Variants in RET observed in about 807,000 individuals in gnomAD.
The protein encoded by RET is ret proto-oncogene.
A neutral mutation model predicts 118.3 loss-of-function variants in RET; 19 were observed. The observed-to-expected ratio is 0.16, with a 90% CI of 0.11 to 0.24. RET has a LOEUF of 0.24. Ranked by LOEUF, RET falls within the 10% of genes least tolerant of loss-of-function variation. RET has a pLI of 1.00. For synonymous variants in RET, 597 were observed against 644.1 expected (o/e 0.93, Z 1.11); for missense variants, 1,219 against 1,502.1 (o/e 0.81, Z 3.12).
intron 8 of RET, 60 bp downstream of exon 8, chr10:43,112,284 G>A (rs2132803645): frequency 5.9e-6 from 9 of 1,526,074 alleles, no homozygotes; most frequent in East Asian, 2.5e-5. Context: ...TGGAAACGGG[G>A]TCCTGGGGCC....
At chr10:43,126,848 T>C in intron 19 of RET, 126 bp downstream of exon 19, 1 of 1,483,656 alleles carries the variant, frequency 6.7e-7, no homozygotes, top group Non-Finnish European at 9.0e-7. Flanking sequence ...CTGAACCTTT[T>C]TATTTGTAAA....
chr10:43,111,956 T>C (rs1342657908), intron 7 of RET, 143 bp from the exon 8 acceptor site: 1 of 1,218,696 alleles, frequency 8.2e-7, no homozygotes, highest in East Asian at 2.6e-5. Context: ...TGGCACTGTC[T>C]TTGCTGCCCT....
At position 43,099,156 on chromosome 10, in the gene RET, G is replaced by A. The variant is rs111838250; in HGVS notation, c.74-1303G>A. On this transcript the variant is annotated intron_variant, in intron 1 of 19. Transcript: ENST00000355710. ...AGGCTAGCATCCTGCCTTCTTCAAG[G>A]AAGCTACGCCTCTGTCCACAGCGCC... Among the ~76,000 whole-genome samples, 78 of 152,226 alleles carry A rather than the reference G, an allele frequency of 5.1e-4. 1 individual carries two copies. The highest frequency in any genetic ancestry group is 3.4e-3 in the Middle Eastern group (1 of 294).
chr10:43,120,340 C>A, intron 15 of RET, 137 bp downstream of exon 15: 1 of 1,265,024 alleles, frequency 7.9e-7, no homozygotes, highest in Non-Finnish European at 1.1e-6. Flanking sequence ...CACCCCAAAT[C>A]TTTCTGACCC....
intron 3 of RET, 135 bp downstream of exon 3, chr10:43,102,764 C>T: frequency 9.2e-7 from 1 of 1,086,132 alleles, no homozygotes. Flanking sequence ...AGAAGTACCT[C>T]TTGCATGCCT....
intron 1 of RET, among the ~76,000 whole-genome samples, chr10:43,099,769 C>T (rs1837596539): frequency 6.6e-6 from 1 of 152,224 alleles, no homozygotes; most frequent in African/African-American, 2.4e-5. Flanking sequence ...CAGAATCATG[C>T]CATGTGCGCT....
chr10:43,111,195 G>A lies in RET; in HGVS notation c.1264-12G>A, dbSNP rs370613696. 4 of 1,613,504 alleles carry A rather than the reference G, an allele frequency of 2.5e-6. No individual in the cohort carries two copies. Among genetic ancestry groups the A allele is most frequent in the Non-Finnish European group, 2.5e-6 (3 of 1,180,020 alleles). On this transcript the variant is annotated splice_polypyrimidine_tract_variant and intron_variant, in intron 6 of 19. Transcript: ENST00000355710. ...AGCTGCCTGGCTAAGGTGTTCCCCTGTGCCCCCCTAGATCGGGAAAGTCTG... is the reference window on the plus strand; with the variant it reads ...AGCTGCCTGGCTAAGGTGTTCCCCTATGCCCCCCTAGATCGGGAAAGTCTG...
At chr10:43,107,315 C>T (rs1837803930) in intron 5 of RET, among the ~76,000 whole-genome samples, 1 of 152,242 alleles carries the variant, frequency 6.6e-6, no homozygotes, top group Non-Finnish European at 1.5e-5. Flanking sequence ...TGCCCTGGCA[C>T]TGAACACCCT....
At chr10:43,102,655 C>A (rs746591753) in intron 3 of RET, 26 bp downstream of exon 3, 1 of 1,613,344 alleles carries the variant, frequency 6.2e-7, no homozygotes, top group Non-Finnish European at 8.5e-7. Context: ...GTGGGGCCGC[C>A]CCACAGTGCC....
In RET at chr10:43,114,351, C is replaced by A. The variant is rs1838012922; in HGVS notation, c.1880-129C>A. ...GGGGTGTTCTCAGGCCTTCCCACACCTCCATGGCCACTTCCCAGCTGGCGC... is the reference window on the plus strand; with the variant it reads ...GGGGTGTTCTCAGGCCTTCCCACACATCCATGGCCACTTCCCAGCTGGCGC... On this transcript the variant is annotated intron_variant, in intron 10 of 19. Coordinates refer to ENST00000355710, the MANE Select transcript of RET (RefSeq NM_020975.6). This position sits in a 1 kb window ranked among gnomAD's most constrained non-coding sequence, Gnocchi z 4.6. 1 of 1,312,494 alleles carries A rather than the reference C, an allele frequency of 7.6e-7. No individual in the cohort carries two copies. Among genetic ancestry groups the A allele is most frequent in the Non-Finnish European group, 1.1e-6 (1 of 941,892 alleles). 81.3% of individuals were successfully genotyped at this position (1,312,494 alleles called of 1,614,324 possible).
In RET at chr10:43,109,296, G is replaced by A. The variant is rs1216381325; in HGVS notation, c.1263+66G>A. ...GCCAAGGGACATGGGGGCACAGGGAGGCAGGTGACACTGCCTCTTGGCCCA... is the reference window on the plus strand; with the variant it reads ...GCCAAGGGACATGGGGGCACAGGGAAGCAGGTGACACTGCCTCTTGGCCCA... On this transcript the variant is annotated intron_variant, in intron 6 of 19. Transcript: ENST00000355710. 6.6e-6 allele frequency: 10 copies of A among 1,522,844 alleles called. No homozygotes were observed. In the Admixed American group the frequency reaches 8.8e-5, roughly 13 times the overall value. 94.3% of individuals were successfully genotyped at this position (1,522,844 alleles called of 1,614,324 possible).
intron 1 of RET, among the ~76,000 whole-genome samples, chr10:43,081,870 C>T (rs1303947756): frequency 6.6e-6 from 1 of 152,226 alleles, no homozygotes; most frequent in Non-Finnish European, 1.5e-5. Context: ...CTGTACCTCT[C>T]ATAGGAGAAC....
In RET at chr10:43,128,231, C is replaced by T. The variant is rs2133049705; in HGVS notation, c.3307C>T (p.Pro1103Ser). 1.2e-6 allele frequency: 2 copies of T among 1,614,142 alleles called. No individual in the cohort carries two copies. Among genetic ancestry groups the T allele is most frequent in the Non-Finnish European group, 1.7e-6 (2 of 1,180,036 alleles). ...DSVYANWMLS[P>S]SAAKLMDTFD... ...TGTATATGCTAACTGGATGCTTTCA[C>T]CCTCAGCGGCAAAATTAATGGACAC... is the stretch of plus-strand genomic sequence containing the variant. Residue 1103 changes from proline to serine, a missense_variant, in exon 20 of 20, where the codon CCC becomes TCC. Around this residue, in one of 5 missense-constraint regions of RET, gnomAD observed 174 missense variants for 179.3 expected, o/e 0.97. Transcript: ENST00000355710.
chr10:43,113,416 C>G lies in RET; in HGVS notation c.1760-140C>G, dbSNP rs3026758. ...CCAAGCCCTGCCCGGCTAAGCCAAG[C>G]TGCTGGGCCCCTGGCCTCACTGGGC... On this transcript the variant is annotated intron_variant, in intron 9 of 19. Coordinates refer to ENST00000355710, the MANE Select transcript of RET (RefSeq NM_020975.6). 2.1e-3 allele frequency: 2,116 copies of G among 1,018,658 alleles called. 42 individuals are homozygous for G. The Admixed American group carries it at 0.036, about 17-fold the overall frequency. The allele number at this position is 1,018,658 out of a possible 1,614,324, so 63.1% of individuals were successfully genotyped here.
rs1319971509 is a variant in RET at position 43,111,052 on chromosome 10, T to A, written c.1264-155T>A. 4.0e-5 allele frequency among the ~76,000 whole-genome samples: 6 copies of A among 151,858 alleles called. No individual in the cohort carries two copies. The East Asian group carries it at 1.2e-3, about 29-fold the overall frequency. On this transcript the variant is annotated intron_variant, in intron 6 of 19. Transcript: ENST00000355710. ...GGGGCAGGTGGGTGGGTATGAAGGC[T>A]CTGAGGGGTGGAGGACAGGGTGCTC...
rs536233285 is a variant in RET at position 43,121,447 on chromosome 10, C to A, written c.2731-499C>A. On this transcript the variant is annotated intron_variant, in intron 15 of 19. Coordinates refer to ENST00000355710, the MANE Select transcript of RET (RefSeq NM_020975.6). ...ATGTAGGGGGCTGGGGGCACTCATT[C>A]AGAGATGCTAAAAGCACCCTGCAAT... 4.7e-4 allele frequency among the ~76,000 whole-genome samples: 72 copies of A among 152,262 alleles called. 1 individual carries two copies. The highest frequency in any genetic ancestry group is 3.4e-3 in the Middle Eastern group (1 of 294).
At chr10:43,111,693 G>A (rs1295246381) in intron 7 of RET, among the ~76,000 whole-genome samples, 1 of 152,206 alleles carries the variant, frequency 6.6e-6, no homozygotes, top group African/African-American at 2.4e-5. Context: ...CAGTTTTTTG[G>A]TATAGGTGTG....
chr10:43,129,516 A>C lies in RET; in HGVS notation c.*1247A>C, dbSNP rs1165062235. The stretch of plus-strand genomic sequence containing the variant: ...TTCTTCATTGCTTGTTTGTGGTCAC[A>C]GATGCACAACACTCCTCCAGTCTTG... On this transcript the variant is annotated 3_prime_UTR_variant, in exon 20 of 20. Coordinates refer to ENST00000355710, the MANE Select transcript of RET (RefSeq NM_020975.6). 1 of 235,754 alleles carries C rather than the reference A, an allele frequency of 4.2e-6. No homozygotes were observed. The highest frequency in any genetic ancestry group is 8.4e-6 in the Non-Finnish European group (1 of 119,702). 14.6% of individuals were successfully genotyped at this position (235,754 alleles called of 1,614,324 possible).
Position 43,114,754 on chromosome 10 carries a change from G to A in RET, c.2136+18G>A, listed in dbSNP as rs761777383. 1.3e-6 allele frequency: 2 copies of A among 1,598,740 alleles called. No homozygotes were observed. The highest frequency in any genetic ancestry group is 1.7e-6 in the Non-Finnish European group (2 of 1,175,362). On this transcript the variant is annotated intron_variant, in intron 11 of 19. Coordinates refer to ENST00000355710, the MANE Select transcript of RET (RefSeq NM_020975.6). This position sits in a 1 kb window ranked among gnomAD's most constrained non-coding sequence, Gnocchi z 4.6. ...AGATCCTGGTGAGGGTCCCTGCGGGGCAGGGAAGATCCCCTGCCCTCCCCA... is the reference window on the plus strand; with the variant it reads ...AGATCCTGGTGAGGGTCCCTGCGGGACAGGGAAGATCCCCTGCCCTCCCCA...
Sources: gnomAD v4.1 joint callset for allele counts (sites outside exome capture counted in the v4.1 genomes callset) on GRCh38, gnomAD v4.1.1 for gene constraint, gnomAD v4.1.1 regional missense constraint, Gnocchi (gnomAD v3.1) non-coding constraint, MANE v1.5 for transcripts, NCBI Gene and HGNC (gene_info 2026-07-23, HGNC 2026-07-21) for gene names.